Variants in ANO4 observed in about 807,000 individuals in gnomAD.
ANO4 encodes anoctamin-4.
A neutral mutation model predicts 141.9 loss-of-function variants in ANO4; 69 were observed. The ratio of observed to expected loss-of-function variants is 0.49; its 90% CI spans 0.40 to 0.59. The LOEUF (loss-of-function observed/expected upper bound fraction) is 0.59. Ranked by LOEUF, ANO4 falls within the 20% of genes least tolerant of loss-of-function variation. ANO4 has a pLI of 0.00. For synonymous variants in ANO4, 350 were observed against 394.3 expected (o/e 0.89, Z 1.33); for missense variants, 894 against 1,162.2 (o/e 0.77, Z 3.36).
chr12:100,972,541 TA>T (rs1218792369), intron 6 of ANO4, among the ~76,000 whole-genome samples: 1 of 152,056 alleles, frequency 6.6e-6, no homozygotes. Context: ...ATTTAACTGT[TA>T]AAAAGAAAAT....
chr12:101,052,085 G>A (rs756780015), intron 14 of ANO4, among the ~76,000 whole-genome samples: 1 of 152,150 alleles, frequency 6.6e-6, no homozygotes, highest in East Asian at 1.9e-4. Context: ...TGGGCTTGAC[G>A]TGTTCATTTT....
intron 17 of ANO4, 135 bp from the exon 18 acceptor site, chr12:101,094,121 A>G (rs755424713): frequency 1.5e-5 from 10 of 663,126 alleles, no homozygotes; most frequent in South Asian, 4.2e-5. Flanking sequence ...TCTATACACA[A>G]TGTTTTCATT....
At chr12:100,731,169 C>A (rs1185561879) in intron 1 of ANO4, among the ~76,000 whole-genome samples, 1 of 152,174 alleles carries the variant, frequency 6.6e-6, no homozygotes, top group Non-Finnish European at 1.5e-5. Context: ...CTAATAATTA[C>A]TTCTTCCCCT....
intron 3 of ANO4, among the ~76,000 whole-genome samples, chr12:100,772,285 T>C (rs1385868947): frequency 6.6e-6 from 1 of 152,200 alleles, no homozygotes; most frequent in African/African-American, 2.4e-5. Context: ...CAATATGTAT[T>C]TGTTGATGAG....
chr12:100,786,559 T>C (rs532623643), intron 3 of ANO4, among the ~76,000 whole-genome samples: 52 of 152,250 alleles, frequency 3.4e-4, no homozygotes, highest in Middle Eastern at 3.4e-3. Context: ...AGGGTTTTTT[T>C]CCCTCCAAAT....
intron 1 of ANO4, among the ~76,000 whole-genome samples, chr12:100,812,991 A>T (rs1249926396): frequency 6.6e-6 from 1 of 152,184 alleles, no homozygotes; most frequent in Non-Finnish European, 1.5e-5. Flanking sequence ...TGTATTGTTT[A>T]TCTCAAATAA....
chr12:100,789,415 G>C (rs11110521), intron 3 of ANO4, among the ~76,000 whole-genome samples: 14,677 of 152,184 alleles, frequency 0.096, 1,107 homozygotes, highest in East Asian at 0.35. Context: ...AACAAAATTT[G>C]CAATGGCTTT....
In ANO4 at chr12:100,797,128, G is replaced by GTA. The variant is rs199870250; in HGVS notation, c.-141+2102_-141+2103insAT. ...TGTGCAATTGTTTATATATATGTGT[G>GTA]TGTATATATATATATATACACACAT... On this transcript the variant is annotated intron_variant, in intron 1 of 27. Transcript: ENST00000392977. Among the ~76,000 whole-genome samples the GTA allele has an allele frequency of 1.9e-3, 248 of 132,682 alleles. 1 individual carries two copies. The highest frequency in any genetic ancestry group is 5.9e-3 in the African/African-American group (209 of 35,646). The allele number at this position is 132,682 out of a possible 152,430, so 87.0% of individuals were successfully genotyped here.
Position 100,720,707 on chromosome 12 carries a change from C to A in ANO4, c.22+3160C>A, listed in dbSNP as rs2030825678. ...CCTCCCAGATGCTAAACAATGACCC[C>A]ATGTGCAGAGTCAGTCTCGTAGTGG... On this transcript the variant is annotated intron_variant, in intron 1 of 29. Transcript: ENST00000644049. Among the ~76,000 whole-genome samples, 6 of 152,104 alleles carry A rather than the reference C, an allele frequency of 3.9e-5. No individual in the cohort carries two copies. The South Asian group carries it at 1.0e-3, about 26-fold the overall frequency.
At chr12:100,808,412 T>C (rs1034862592) in intron 1 of ANO4, among the ~76,000 whole-genome samples, 1 of 152,214 alleles carries the variant, frequency 6.6e-6, no homozygotes, top group Non-Finnish European at 1.5e-5. Flanking sequence ...GTTTTACTTG[T>C]AATTTGTTTA....
intron 13 of ANO4, among the ~76,000 whole-genome samples, chr12:101,045,048 G>A (rs1440783100): frequency 6.6e-6 from 1 of 151,772 alleles, no homozygotes; most frequent in African/African-American, 2.4e-5. Context: ...CTCTTTTTAG[G>A]AGATCCTTAA....
At chr12:100,864,041 G>T (rs2038622947) in intron 1 of ANO4, among the ~76,000 whole-genome samples, 1 of 152,116 alleles carries the variant, frequency 6.6e-6, no homozygotes, top group Non-Finnish European at 1.5e-5. Flanking sequence ...CTCTGGGTTG[G>T]CTTCCTTCTA....
At chr12:100,918,150 T>C (rs1210112874) in intron 2 of ANO4, among the ~76,000 whole-genome samples, 1 of 152,044 alleles carries the variant, frequency 6.6e-6, no homozygotes, top group Non-Finnish European at 1.5e-5. Context: ...AACATGGAAA[T>C]ACCCTTTCTC....
intron 1 of ANO4, among the ~76,000 whole-genome samples, chr12:100,824,271 A>C (rs541029210): frequency 6.6e-6 from 1 of 152,120 alleles, no homozygotes; most frequent in East Asian, 1.9e-4. Context: ...TCATTTTCAA[A>C]GAGAAGAACC....
intron 14 of ANO4, among the ~76,000 whole-genome samples, chr12:101,051,467 T>G (rs2047867047): frequency 6.6e-6 from 1 of 152,192 alleles, no homozygotes; most frequent in African/African-American, 2.4e-5. Flanking sequence ...CCCACATTAT[T>G]CCCAGAAATG....
chr12:100,839,875 A>G (rs2037145177), intron 1 of ANO4, among the ~76,000 whole-genome samples: 1 of 152,128 alleles, frequency 6.6e-6, no homozygotes, highest in Non-Finnish European at 1.5e-5. Context: ...GCCTTCCTAG[A>G]AGTCTGAGTA....
At chr12:100,826,261 G>A (rs1447499066) in intron 1 of ANO4, among the ~76,000 whole-genome samples, 1 of 149,244 alleles carries the variant, frequency 6.7e-6, no homozygotes, top group East Asian at 2.0e-4. Flanking sequence ...TTTAAAGACA[G>A]ATAAATAAAT....
intron 8 of ANO4, among the ~76,000 whole-genome samples, chr12:100,988,188 A>G (rs2044810741): frequency 6.6e-6 from 1 of 152,170 alleles, no homozygotes; most frequent in African/African-American, 2.4e-5. Flanking sequence ...GTCATCTGTC[A>G]GATTGTCTCA....
intron 1 of ANO4, among the ~76,000 whole-genome samples, chr12:100,878,675 A>G (rs2039429169): frequency 1.3e-5 from 2 of 152,236 alleles, no homozygotes; most frequent in Non-Finnish European, 1.5e-5. Flanking sequence ...TCTACTGGCA[A>G]TACTAGAATA....
Sources: allele counts gnomAD v4.1 joint callset (sites outside exome capture counted in the v4.1 genomes callset), GRCh38; gene constraint gnomAD v4.1.1; transcripts MANE v1.5; gene names NCBI Gene and HGNC (gene_info 2026-07-23, HGNC 2026-07-21).